Variants in RBM39 observed in about 807,000 individuals in gnomAD.
RBM39 encodes RNA binding motif protein 39.
RBM39 carries 12 observed loss-of-function variants against 79.6 expected under a neutral mutation model. The ratio of observed to expected loss-of-function variants is 0.15; its 90% CI spans 0.10 to 0.24. RBM39 has a LOEUF of 0.24. Ranked by LOEUF, RBM39 falls within the 10% of genes least tolerant of loss-of-function variation. The probability of loss-of-function intolerance (pLI) is 1.00; values close to 1 mark genes in which losing one functional copy is unlikely to be tolerated. For synonymous variants in RBM39, 185 were observed against 208.4 expected, an observed-to-expected ratio of 0.89 and a Z score of 0.97; for missense variants, 243 against 653.4, an observed-to-expected ratio of 0.37 and a Z score of 6.85.
chr20:35,719,953 T>C, intron 9 of RBM39: 1 of 264,926 alleles, frequency 3.8e-6, no homozygotes, highest in South Asian at 2.9e-5. Flanking sequence ...CACCTAATTT[T>C]TCTATTTTTA....
chr20:35,739,233 A>T, intron 2 of RBM39: 1 of 583,940 alleles, frequency 1.7e-6, no homozygotes, highest in Non-Finnish European at 3.1e-6. Context: ...AAAATAAAAA[A>T]ATTTTCCATA....
At chr20:35,715,156 T>C (rs192581088) in intron 10 of RBM39, among the ~76,000 whole-genome samples, 84 of 152,302 alleles carry the variant, frequency 5.5e-4, no homozygotes, top group African/African-American at 1.8e-3. Flanking sequence ...AAAAATACTA[T>C]GTTTCCAGGA....
At chr20:35,721,593 T>C (rs2037948525) in intron 9 of RBM39, 147 bp downstream of exon 9, 2 of 843,866 alleles carry the variant, frequency 2.4e-6, no homozygotes, top group Non-Finnish European at 3.6e-6. Flanking sequence ...TATTTTAATC[T>C]ATGTTGTCAC....
chr20:35,720,679 G>A (rs973158312), intron 9 of RBM39, among the ~76,000 whole-genome samples: 5 of 152,088 alleles, frequency 3.3e-5, no homozygotes, highest in African/African-American at 4.8e-5. Flanking sequence ...GCTAAAGCAA[G>A]AGAATCGCTT....
intron 3 of RBM39, among the ~76,000 whole-genome samples, chr20:35,733,841 A>G (rs914260619): frequency 6.6e-6 from 1 of 152,178 alleles, no homozygotes; most frequent in Non-Finnish European, 1.5e-5. Flanking sequence ...AAAGCCAAAC[A>G]TATCTTTCTG....
At chr20:35,738,018 G>A (rs550617193) in intron 3 of RBM39, among the ~76,000 whole-genome samples, 62 of 151,502 alleles carry the variant, frequency 4.1e-4, no homozygotes, top group Non-Finnish European at 6.0e-4. Flanking sequence ...TTAGCCAGGC[G>A]TGATGGCGCG....
At position 35,740,283 on chromosome 20, in the gene RBM39, G is replaced by C. The variant is rs569877603; in HGVS notation, c.51+541C>G. 276 of 216,918 alleles carry C rather than the reference G, an allele frequency of 1.3e-3. 1 individual carries two copies. Among genetic ancestry groups the C allele is most frequent in the African/African-American group, 6.2e-3 (263 of 42,744 alleles). 13.4% of individuals were successfully genotyped at this position (216,918 alleles called of 1,614,324 possible). On this transcript the variant is annotated intron_variant, in intron 2 of 16. Transcript: ENST00000253363. ...GCAGATTGCCACTGGACTGTTTTAA[G>C]ATTTACTATCACCAGTCTTACATAG...
chr20:35,724,466 T>A lies in RBM39; in HGVS notation c.687+104A>T, dbSNP rs1453388948. ...AAAAAAAGTCCTGAAAACATCCGAC[T>A]CAACGTAATGAGCAGCAGTCACAGA... On this transcript the variant is annotated intron_variant, in intron 8 of 16. Transcript: ENST00000253363. 13 of 1,022,434 alleles carry A rather than the reference T, an allele frequency of 1.3e-5. No homozygotes were observed. In the African/African-American group the frequency reaches 1.9e-4, roughly 15 times the overall value. 63.3% of individuals were successfully genotyped at this position (1,022,434 alleles called of 1,614,324 possible).
intron 1 of RBM39, among the ~76,000 whole-genome samples, chr20:35,741,226 G>A (rs536412712): frequency 6.8e-4 from 102 of 150,992 alleles, no homozygotes; most frequent in Non-Finnish European, 5.9e-4. Flanking sequence ...TAGAGACGGG[G>A]TTTCACCATG....
At chr20:35,707,234 GA>G in intron 13 of RBM39, 33 bp from the exon 14 acceptor site, 3 of 1,468,112 alleles carry the variant, frequency 2.0e-6, no homozygotes, top group African/African-American at 1.4e-5. Flanking sequence ...TAGTTTCATG[GA>G]AAATGCATGA....
At chr20:35,709,770 GA>G (rs1220688029) in intron 12 of RBM39, among the ~76,000 whole-genome samples, 2 of 152,088 alleles carry the variant, frequency 1.3e-5, no homozygotes, top group African/African-American at 4.8e-5. Context: ...TCACCATTGG[GA>G]AATACACCAT....
At chr20:35,741,024 A>ATTTTTTTTTTTTTT (rs1600675384) in intron 1 of RBM39, 137 bp from the exon 2 acceptor site, 30 of 77,964 alleles carry the variant, frequency 3.8e-4, no homozygotes, top group South Asian at 8.0e-4. Context: ...GTGAGTAAAC[A>ATTTTTTTTTTTTTT]TTTTTCTTTT....
chr20:35,726,171 AC>A (rs1445356935), intron 6 of RBM39, among the ~76,000 whole-genome samples: 14 of 151,534 alleles, frequency 9.2e-5, no homozygotes, highest in Non-Finnish European at 2.1e-4. Flanking sequence ...TCTCACTGTC[AC>A]TCAGGCTGGA....
Position 35,724,650 on chromosome 20 carries a change from C to T in RBM39, c.607G>A (p.Asp203Asn), listed in dbSNP as rs376657849. The T allele has an allele frequency of 3.1e-6, 5 of 1,614,054 alleles. No homozygotes were observed. The highest frequency in any genetic ancestry group is 4.2e-6 in the Non-Finnish European group (5 of 1,179,984). The stretch of plus-strand genomic sequence containing the variant: ...ATTGCTAGAGGCACTGAGCTAACAT[C>T]GACGAACTCCACATAAGCAATTCCT... ...SKGIAYVEFV[D>N]VSSVPLAIGL... Residue 203 changes from aspartate to asparagine, a missense_variant, in exon 8 of 17, where the codon GAT (aspartate) becomes AAT (asparagine). Asp to Asn is a conservative substitution (Grantham distance 23). Coordinates refer to ENST00000253363, the MANE Select transcript of RBM39 (RefSeq NM_184234.3).
At chr20:35,709,400 A>T in intron 12 of RBM39, 126 bp from the exon 13 acceptor site, 1 of 725,584 alleles carries the variant, frequency 1.4e-6, no homozygotes, top group South Asian at 2.0e-5. Context: ...TGGCAGCAAA[A>T]CCTCCTTCCC....
At chr20:35,739,987 GAA>G (rs1341110180) in intron 2 of RBM39, 2 of 157,226 alleles carry the variant, frequency 1.3e-5, no homozygotes, top group African/African-American at 4.8e-5. Flanking sequence ...GTGAAACAAT[GAA>G]AAGACAGTTT....
intron 6 of RBM39, among the ~76,000 whole-genome samples, chr20:35,725,491 G>C (rs1267937714): frequency 6.6e-6 from 1 of 152,120 alleles, no homozygotes; most frequent in Non-Finnish European, 1.5e-5. Flanking sequence ...ATGTTAACTA[G>C]GCTGGTCTCG....
chr20:35,740,839 C>G lies in RBM39; in HGVS notation c.36G>C (p.Glu12Asp). The change falls in exon 2 of 17, where the codon GAG becomes GAC. Residue 12 changes from glutamate (E) to aspartate (D), a missense_variant. By Grantham distance (45) the Glu-to-Asp change is conservative. Transcript: ENST00000253363. The stretch of plus-strand genomic sequence containing the variant: ...TTTTTCTCACCTTCTTGTAAGGAGC[C>G]TCAAGCATTGCTTCAATATCAATAT... ...ADDIDIEAML[E>D]APYKKDENKL... The G allele has an allele frequency of 6.2e-7, 1 of 1,612,690 alleles. No individual in the cohort carries two copies. The highest frequency in any genetic ancestry group is 8.5e-7 in the Non-Finnish European group (1 of 1,179,342).
Position 35,741,034 on chromosome 20 carries a change from T to TTTTTTTTTTTC in RBM39, c.-13-148_-13-147insGAAAAAAAAAA, listed in dbSNP as rs1555909172. 543 of 323,876 alleles carry TTTTTTTTTTTC rather than the reference T, an allele frequency of 1.7e-3. 34 individuals carry two copies. Among genetic ancestry groups the TTTTTTTTTTTC allele is most frequent in the Middle Eastern group, 3.4e-3 (4 of 1,192 alleles). The allele number at this position is 323,876 out of a possible 1,614,324, so 20.1% of individuals were successfully genotyped here. On this transcript the variant is annotated intron_variant, in intron 1 of 16. Coordinates refer to ENST00000253363, the MANE Select transcript of RBM39 (RefSeq NM_184234.3). ...ATTCCGTGAGTAAACATTTTTCTTT[T>TTTTTTTTTTTC]TTTTTTTTTTTTTTTTTGAGACGGA...
Sources: allele counts gnomAD v4.1 joint callset (sites outside exome capture counted in the v4.1 genomes callset), GRCh38; gene constraint gnomAD v4.1.1; transcripts MANE v1.5; gene names NCBI Gene and HGNC (gene_info 2026-07-23, HGNC 2026-07-21).